Variants in DOCK11 observed in about 807,000 individuals in gnomAD.
DOCK11 encodes the protein dedicator of cytokinesis protein 11.
DOCK11 carries 70 observed loss-of-function variants against 169.1 expected under a neutral mutation model. The observed-to-expected ratio is 0.41, with a 90% confidence interval of 0.34 to 0.51. The LOEUF (loss-of-function observed/expected upper bound fraction) is 0.51, where lower values mean the gene tolerates loss of function less well. Ranked by LOEUF, DOCK11 falls within the 20% of genes least tolerant of loss-of-function variation. The probability of loss-of-function intolerance (pLI) is 0.10; values close to 1 mark genes in which losing one functional copy is unlikely to be tolerated. For synonymous variants in DOCK11, 529 were observed against 541.3 expected (o/e 0.98, Z 0.32); for missense variants, 1,166 against 1,538.8 (o/e 0.76, Z 4.05).
intron 1 of DOCK11, among the ~76,000 whole-genome samples, chrX:118,499,418 C>T (rs1200066215): frequency 9.0e-6 from 1 of 111,329 alleles, no homozygotes; most frequent in African/African-American, 3.3e-5. Context: ...ATGCACGCAG[C>T]GTCCCCTGGC....
rs2013299444 is a variant in DOCK11 at position 118,572,239 on chromosome X, A to G, written c.1036-84A>G. The stretch of plus-strand genomic sequence containing the variant: ...TGAAGAATGGACAGAGAACTGTTGG[A>G]TTTTTGCCATTTTTTGTATATTGAT... On this transcript the variant is annotated intron_variant, in intron 10 of 52. Coordinates refer to ENST00000276202, the MANE Select transcript of DOCK11 (RefSeq NM_144658.4). 3.8e-5 allele frequency: 33 copies of G among 867,827 alleles called. No individual in the cohort carries two copies. The South Asian group carries it at 1.2e-3, about 31-fold the overall frequency. The allele number at this position is 867,827 out of a possible 1,213,427, so 71.5% of individuals were successfully genotyped here.
Position 118,552,982 on chromosome X carries a change from A to G in DOCK11, c.558+6866A>G, listed in dbSNP as rs376384937. 8.9e-5 allele frequency among the ~76,000 whole-genome samples: 10 copies of G among 111,898 alleles called. No individual in the cohort carries two copies. The East Asian group carries it at 1.7e-3, about 19-fold the overall frequency. On this transcript the variant is annotated intron_variant, in intron 6 of 52. Transcript: ENST00000276202. The stretch of plus-strand genomic sequence containing the variant: ...ACTTGTAATTTGCTTTGTTCTTGGT[A>G]TTCAAGTTAAAACAGGACAAGCCTT...
At chrX:118,638,211 T>G in intron 37 of DOCK11, 84 bp downstream of exon 37, 12 of 869,230 alleles carry the variant, frequency 1.4e-5, no homozygotes, top group Non-Finnish European at 1.8e-5. Flanking sequence ...AAAACCTAGG[T>G]TGCATACTTT....
chrX:118,517,011 T>G (rs1338954720), intron 1 of DOCK11, among the ~76,000 whole-genome samples: 1 of 111,716 alleles, frequency 9.0e-6, no homozygotes, highest in African/African-American at 3.3e-5. Flanking sequence ...AGTATTATTG[T>G]TATATTCAAA....
chrX:118,542,902 G>C (rs1208309717), intron 2 of DOCK11, 24 bp from the exon 3 acceptor site: 1 of 1,207,120 alleles, frequency 8.3e-7, no homozygotes, highest in Non-Finnish European at 1.1e-6. Flanking sequence ...AGTTCTTACA[G>C]CAAAAATGTT....
At chrX:118,577,208 CA>C (rs1006956359) in intron 12 of DOCK11, among the ~76,000 whole-genome samples, 5 of 112,221 alleles carry the variant, frequency 4.5e-5, no homozygotes, top group Non-Finnish European at 9.4e-5. Context: ...ACACTGCACT[CA>C]AGGTGCACTG....
intron 18 of DOCK11, 50 bp downstream of exon 18, chrX:118,588,528 T>A: frequency 6.8e-6 from 7 of 1,023,195 alleles, no homozygotes; most frequent in Non-Finnish European, 9.2e-6. Flanking sequence ...GATGGAGATT[T>A]TGGTACTCAG....
chrX:118,515,077 A>G (rs2057673872), intron 1 of DOCK11, among the ~76,000 whole-genome samples: 1 of 111,673 alleles, frequency 9.0e-6, no homozygotes, highest in Non-Finnish European at 1.9e-5. Flanking sequence ...TTGTGGTTGC[A>G]TCACTCCAAT....
intron 6 of DOCK11, among the ~76,000 whole-genome samples, chrX:118,549,541 A>C (rs1603053022): frequency 9.0e-6 from 1 of 111,198 alleles, no homozygotes; most frequent in East Asian, 2.8e-4. Flanking sequence ...CACAACTTTT[A>C]TGTTTATTTT....
chrX:118,678,617 C>T (rs961464175), intron 48 of DOCK11, among the ~76,000 whole-genome samples: 3 of 108,987 alleles, frequency 2.8e-5, no homozygotes, highest in African/African-American at 1.0e-4. Context: ...GGATTACAGT[C>T]GCTCACCACC....
At chrX:118,536,714 C>T (rs781532620) in intron 1 of DOCK11, among the ~76,000 whole-genome samples, 1 of 111,716 alleles carries the variant, frequency 9.0e-6, no homozygotes, top group African/African-American at 3.3e-5. Flanking sequence ...TATCTACCTT[C>T]CCCACGAGAC....
chrX:118,621,484 T>C lies in DOCK11; in HGVS notation c.3471+2756T>C, dbSNP rs185355179. 6.2e-4 allele frequency among the ~76,000 whole-genome samples: 69 copies of C among 111,773 alleles called. No individual in the cohort carries two copies. The East Asian group carries it at 0.018, about 30-fold the overall frequency. On this transcript the variant is annotated intron_variant, in intron 31 of 52. Coordinates refer to ENST00000276202, the MANE Select transcript of DOCK11 (RefSeq NM_144658.4). ...GTAATAAACCAAAAAAAGAAAAGAATGTTTCCTATGAAAAGCCTGCTTTGA... is the reference window on the plus strand; with the variant it reads ...GTAATAAACCAAAAAAAGAAAAGAACGTTTCCTATGAAAAGCCTGCTTTGA...
intron 13 of DOCK11, among the ~76,000 whole-genome samples, chrX:118,578,964 G>A (rs1423960672): frequency 8.9e-6 from 1 of 111,944 alleles, no homozygotes; most frequent in African/African-American, 3.2e-5. Context: ...GAATCTCAGA[G>A]CTGGGAGATT....
At chrX:118,675,334 CA>C (rs1254118245) in intron 46 of DOCK11, among the ~76,000 whole-genome samples, 2 of 112,155 alleles carry the variant, frequency 1.8e-5, no homozygotes, top group East Asian at 5.6e-4. Context: ...AGGGCTCAAG[CA>C]AAGCATTTGG....
At chrX:118,526,577 A>G (rs1391086996) in intron 1 of DOCK11, among the ~76,000 whole-genome samples, 1 of 112,217 alleles carries the variant, frequency 8.9e-6, no homozygotes, top group African/African-American at 3.2e-5. Flanking sequence ...TGTAGTTTCT[A>G]CAGTAGTGCC....
rs1335923219 is a variant in DOCK11 at position 118,680,523 on chromosome X, A to G, written c.5502A>G (p.Gln1834=). The change falls in exon 49 of 53, where the codon CAA becomes CAG. Residue 1834 remains glutamine (Q), a synonymous_variant. Transcript: ENST00000276202. The part of the protein sequence containing the change: ...KELDPKYAHI[Q]VTYVKPYFDD... ...TTGATCCAAAATATGCTCATATACA[A>G]GTTACTTATGTGAAGCCTTACTTTG... 2 of 1,207,367 alleles carry G rather than the reference A, an allele frequency of 1.7e-6. No individual in the cohort carries two copies. The highest frequency in any genetic ancestry group is 2.2e-6 in the Non-Finnish European group (2 of 893,165).
chrX:118,676,068 A>G lies in DOCK11; in HGVS notation c.5313+19A>G, dbSNP rs2016602230. 9.4e-7 allele frequency: 1 copy of G among 1,065,656 alleles called. No homozygotes were observed. The highest frequency in any genetic ancestry group is 1.3e-6 in the Non-Finnish European group (1 of 777,324). 87.8% of individuals were successfully genotyped at this position (1,065,656 alleles called of 1,213,427 possible). ...TGGCCAAGTAAGTGTACTTGAATCC[A>G]TAAAGTTTTCCTTTTTAAACATTCA... On this transcript the variant is annotated intron_variant, in intron 47 of 52. Coordinates refer to ENST00000276202, the MANE Select transcript of DOCK11 (RefSeq NM_144658.4).
intron 1 of DOCK11, among the ~76,000 whole-genome samples, chrX:118,537,388 A>T (rs758533949): frequency 4.5e-5 from 5 of 112,064 alleles, no homozygotes; most frequent in Non-Finnish European, 9.4e-5. Flanking sequence ...AGACATTCTT[A>T]GAATTCTTAA....
chrX:118,603,374 A>G (rs377251896), intron 23 of DOCK11, among the ~76,000 whole-genome samples: 14 of 112,146 alleles, frequency 1.2e-4, no homozygotes, highest in African/African-American at 4.2e-4. Context: ...GAAAGATGGC[A>G]ATGTCTAATT....
Sources: allele counts gnomAD v4.1 joint callset (sites outside exome capture counted in the v4.1 genomes callset), GRCh38; gene constraint gnomAD v4.1.1; transcripts MANE v1.5; gene names NCBI Gene and HGNC (gene_info 2026-07-23, HGNC 2026-07-21).